RALGAPA1: variants seen among roughly 807,000 people sequenced by gnomAD.
The protein encoded by RALGAPA1 is Ral GTPase activating protein catalytic subunit alpha 1, also known as ral GTPase-activating protein subunit alpha-1.
Under a neutral mutation model 269.6 loss-of-function variants are expected in RALGAPA1, and 52 were observed. The ratio of observed to expected loss-of-function variants is 0.19; its 90% confidence interval spans 0.15 to 0.24. The LOEUF is 0.24. Ranked by LOEUF, RALGAPA1 falls within the 10% of genes least tolerant of loss-of-function variation. The pLI is 1.00. For missense variants in RALGAPA1, 1,917 were observed against 3,013.9 expected (o/e 0.64, Z 8.52); for synonymous variants, 817 against 1,008.3 (o/e 0.81, Z 3.60).
At chr14:35,674,341 A>G (rs931070397) in intron 23 of RALGAPA1, 63 bp from the exon 24 acceptor site, 25 of 1,411,896 alleles carry the variant, frequency 1.8e-5, no homozygotes, top group Non-Finnish European at 2.1e-5. Flanking sequence ...AGTTTACCTT[A>G]AACTGAATTT....
At chr14:35,667,828 T>C (rs1198783724) in intron 26 of RALGAPA1, among the ~76,000 whole-genome samples, 1 of 152,130 alleles carries the variant, frequency 6.6e-6, no homozygotes, top group East Asian at 1.9e-4. Flanking sequence ...GGAAAGGAAA[T>C]CAAGATATCA....
chr14:35,597,602 C>A lies in RALGAPA1; in HGVS notation c.7054-1813G>T, dbSNP rs183357983. 1.8e-4 allele frequency among the ~76,000 whole-genome samples: 28 copies of A among 152,242 alleles called. No individual in the cohort carries two copies. In the East Asian group the frequency reaches 5.2e-3, roughly 28 times the overall value. ...CCCCCAGTGCAAAACTCTATCACCACCAGGATACTGACGACATTGATATAG... is the reference window on the plus strand; with the variant it reads ...CCCCCAGTGCAAAACTCTATCACCAACAGGATACTGACGACATTGATATAG... On this transcript the variant is annotated intron_variant, in intron 36 of 41. Transcript: ENST00000680220.
At chr14:35,620,850 A>G (rs932360942) in intron 35 of RALGAPA1, among the ~76,000 whole-genome samples, 6 of 152,198 alleles carry the variant, frequency 3.9e-5, no homozygotes, top group Non-Finnish European at 7.3e-5. Flanking sequence ...CCACTGCTCA[A>G]CAAAATAAAA....
At chr14:35,736,628 T>C (rs1282048026) in intron 12 of RALGAPA1, among the ~76,000 whole-genome samples, 3 of 152,168 alleles carry the variant, frequency 2.0e-5, no homozygotes, top group Admixed American at 1.3e-4. Context: ...GAAGGAATGA[T>C]CTACTCTGTA....
At chr14:35,652,383 T>TATATATATATATATATATATATATATAC (rs968163110) in intron 30 of RALGAPA1, among the ~76,000 whole-genome samples, 2 of 148,692 alleles carry the variant, frequency 1.3e-5, no homozygotes, top group Admixed American at 1.3e-4. Flanking sequence ...TATATATATA[T>TATATATATATATATATATATATATATAC]ACACACACAC....
At chr14:35,808,638 G>A (rs908368203) in intron 1 of RALGAPA1, 92 bp downstream of exon 1, 11 of 1,392,964 alleles carry the variant, frequency 7.9e-6, no homozygotes, top group African/African-American at 1.4e-5. Context: ...CTCCTGCACC[G>A]CGCCAGGTCC....
rs71445957 is a variant in RALGAPA1 at position 35,745,422 on chromosome 14, G to GACACACACAC, written c.1252-2867_1252-2858dup. Among the ~76,000 whole-genome samples the GACACACACAC allele has an allele frequency of 1.3e-3, 189 of 146,786 alleles. 1 individual carries two copies. In the East Asian group the frequency reaches 0.015, roughly 11 times the overall value. On this transcript the variant is annotated intron_variant, in intron 10 of 41. Coordinates refer to ENST00000680220, the MANE Select transcript of RALGAPA1 (RefSeq NM_001346249.2). The stretch of plus-strand genomic sequence containing the variant: ...ATACACATACACAGACACACAGACA[G>GACACACACAC]ACACACACACACACACACACACACA...
intron 16 of RALGAPA1, among the ~76,000 whole-genome samples, chr14:35,713,824 G>A (rs561200109): frequency 3.3e-4 from 50 of 152,168 alleles, no homozygotes; most frequent in Non-Finnish European, 6.5e-4. Flanking sequence ...GGCCAGGTGC[G>A]GTGGCTCACG....
chr14:35,587,652 A>G (rs2058384813), intron 37 of RALGAPA1, among the ~76,000 whole-genome samples: 1 of 147,636 alleles, frequency 6.8e-6, no homozygotes, highest in Non-Finnish European at 1.5e-5. Flanking sequence ...TCTCACTCAT[A>G]GGTGAGAATT....
intron 35 of RALGAPA1, among the ~76,000 whole-genome samples, chr14:35,625,075 T>C (rs1125645): frequency 0.13 from 17,751 of 141,406 alleles, 1,120 homozygotes; most frequent in Middle Eastern, 0.15. Flanking sequence ...GTGCCTGTAG[T>C]CCCAGCTACT....
At chr14:35,580,024 C>G (rs1026164552) in intron 37 of RALGAPA1, among the ~76,000 whole-genome samples, 1 of 151,900 alleles carries the variant, frequency 6.6e-6, no homozygotes, top group African/African-American at 2.4e-5. Context: ...AAAATCAGAC[C>G]AAGCAGCACT....
intron 39 of RALGAPA1, among the ~76,000 whole-genome samples, chr14:35,553,760 TA>T (rs1368876502): frequency 2.0e-5 from 3 of 152,204 alleles, no homozygotes; most frequent in African/African-American, 7.2e-5. Flanking sequence ...CAAAAATCTG[TA>T]TAATTGCTTA....
intron 37 of RALGAPA1, among the ~76,000 whole-genome samples, chr14:35,577,091 T>G (rs951033771): frequency 6.6e-6 from 1 of 152,206 alleles, no homozygotes; most frequent in Non-Finnish European, 1.5e-5. Flanking sequence ...TGGCTCCTAG[T>G]GATCACTACA....
intron 31 of RALGAPA1, among the ~76,000 whole-genome samples, chr14:35,643,533 G>T (rs545115460): frequency 3.0e-4 from 46 of 152,140 alleles, no homozygotes; most frequent in Admixed American, 2.5e-3. Context: ...CTACTGCTAG[G>T]TATATACCCA....
chr14:35,651,826 T>G lies in RALGAPA1; in HGVS notation c.5655A>C (p.Ser1885=). The change falls in exon 31 of 42, where the codon TCA becomes TCC. Residue 1885 remains serine (S), a synonymous_variant. Transcript: ENST00000680220. The part of the protein sequence containing the change: ...ITHLLPSTEA[S]SYEMDKRLVV... ...TTACCCTCTTGTCCATTTCATAAGA[T>G]GAAGCCTCTGTACTTGGTAAAAGAT... is the stretch of plus-strand genomic sequence containing the variant. 1.9e-6 allele frequency: 3 copies of G among 1,603,242 alleles called. No individual in the cohort carries two copies. The highest frequency in any genetic ancestry group is 2.5e-6 in the Non-Finnish European group (3 of 1,176,572).
chr14:35,775,842 C>T (rs891046631), intron 1 of RALGAPA1, 97 bp from the exon 2 acceptor site: 74 of 1,177,380 alleles, frequency 6.3e-5, no homozygotes, highest in Non-Finnish European at 7.8e-5. Flanking sequence ...CAAAGAACTG[C>T]TCCTAAAATT....
chr14:35,686,873 T>C (rs574998611), intron 18 of RALGAPA1, among the ~76,000 whole-genome samples: 84 of 152,376 alleles, frequency 5.5e-4, no homozygotes, highest in Non-Finnish European at 9.8e-4. Flanking sequence ...TTAGTCAATC[T>C]TCAGTGTAAC....
intron 39 of RALGAPA1, among the ~76,000 whole-genome samples, chr14:35,551,521 G>A (rs1405877023): frequency 6.6e-6 from 1 of 152,120 alleles, no homozygotes; most frequent in Admixed American, 6.5e-5. Flanking sequence ...GAAAAGTAGG[G>A]TGGAGACACC....
At chr14:35,579,798 A>T (rs2057833693) in intron 37 of RALGAPA1, among the ~76,000 whole-genome samples, 1 of 152,082 alleles carries the variant, frequency 6.6e-6, no homozygotes, top group African/African-American at 2.4e-5. Context: ...CTTCTATAAG[A>T]TTGTTATATT....
Sources: allele counts gnomAD v4.1 joint callset (sites outside exome capture counted in the v4.1 genomes callset), GRCh38; gene constraint gnomAD v4.1.1; transcripts MANE v1.5; gene names NCBI Gene and HGNC (gene_info 2026-07-23, HGNC 2026-07-21).